SLCO1B3: variants seen among roughly 807,000 people sequenced by gnomAD.
The protein encoded by SLCO1B3 is solute carrier organic anion transporter family member 1B3.
A neutral mutation model predicts 71.8 loss-of-function variants in SLCO1B3; 72 were observed. The observed-to-expected ratio is 1.00, with a 90% CI of 0.83 to 1.22. The LOEUF is 1.22. Among genes scored for constraint, SLCO1B3 ranks in the 50% most tolerant of loss-of-function variants. The probability of loss-of-function intolerance (pLI) is 0.00; values close to 1 mark genes in which losing one functional copy is unlikely to be tolerated. For synonymous variants in SLCO1B3, 298 were observed against 278.4 expected (o/e 1.07, Z -0.70); for missense variants, 911 against 819.7 (o/e 1.11, Z -1.36).
intron 3 of SLCO1B3, among the ~76,000 whole-genome samples, chr12:20,846,458 G>T (rs1268528750): frequency 2.0e-5 from 3 of 152,102 alleles, no homozygotes; most frequent in African/African-American, 4.8e-5. Flanking sequence ...ATCAGCTCAG[G>T]TGCTAAAACA....
intron 2 of SLCO1B3, among the ~76,000 whole-genome samples, chr12:20,815,285 T>C (rs189898653): frequency 2.8e-4 from 42 of 152,292 alleles, no homozygotes; most frequent in African/African-American, 9.9e-4. Context: ...ATTTGGCACT[T>C]TATAAACTTA....
intron 15 of SLCO1B3, among the ~76,000 whole-genome samples, chr12:20,914,497 A>G (rs1866452649): frequency 1.3e-5 from 2 of 152,060 alleles, no homozygotes; most frequent in South Asian, 4.1e-4. Flanking sequence ...AAGCATGTAT[A>G]TTATATATAA....
intron 13 of SLCO1B3, among the ~76,000 whole-genome samples, chr12:20,897,314 T>C (rs1481600466): frequency 6.6e-6 from 1 of 152,254 alleles, no homozygotes; most frequent in Non-Finnish European, 1.5e-5. Context: ...TTATAAGCGC[T>C]ATTGAATTCT....
chr12:20,908,853 A>G (rs975485431), intron 15 of SLCO1B3, among the ~76,000 whole-genome samples: 2 of 152,228 alleles, frequency 1.3e-5, no homozygotes, highest in African/African-American at 4.8e-5. Flanking sequence ...AAAGTTATCC[A>G]TGTGCCAGTT....
chr12:20,850,246 A>T (rs1404415611), intron 3 of SLCO1B3, among the ~76,000 whole-genome samples: 2 of 143,262 alleles, frequency 1.4e-5, no homozygotes, highest in African/African-American at 2.6e-5. Flanking sequence ...GATTATTTTT[A>T]TTATTATTAT....
Position 20,883,588 on chromosome 12 carries a change from CTTG to C in SLCO1B3, c.1672_1674del (p.Leu558del). 2 of 1,587,710 alleles carry C rather than the reference CTTG, an allele frequency of 1.3e-6. No homozygotes were observed. The highest frequency in any genetic ancestry group is 1.4e-5 in the African/African-American group (1 of 73,152). On this transcript the variant is annotated inframe_deletion, in exon 13 of 16. Transcript: ENST00000381545. ...CTGCAACAGGAGGTACCACATTTAT[CTTG>C]TTGACTGTGAAGTAAGTATGATCCT... is the stretch of plus-strand genomic sequence containing the variant.
chr12:20,855,258 C>A (rs180681772), intron 4 of SLCO1B3, 89 bp downstream of exon 4: 6 of 1,154,372 alleles, frequency 5.2e-6, no homozygotes, highest in African/African-American at 3.1e-5. Flanking sequence ...TGGGTCTGGA[C>A]TAGGTGTAAA....
At chr12:20,884,728 T>C (rs544018528) in intron 13 of SLCO1B3, among the ~76,000 whole-genome samples, 28 of 151,794 alleles carry the variant, frequency 1.8e-4, no homozygotes, top group African/African-American at 5.3e-4. Context: ...TAAAACCTAC[T>C]AGTTGATCGG....
rs754110095 is a variant in SLCO1B3, at chr12:20,879,566, A to G, written c.1266A>G (p.Gln422=). ...FLTSMISFLF[Q]LLYFPLICES... ...CTTCGATGATATCCTTCTTGTTTCA[A>G]CTTCTATATTTCCCTCTAATCTGCG... The change falls in exon 11 of 16, where the codon CAA becomes CAG. Residue 422 remains glutamine, a synonymous_variant. Coordinates refer to ENST00000381545, the MANE Select transcript of SLCO1B3 (RefSeq NM_019844.4). 6.2e-7 allele frequency: 1 copy of G among 1,613,184 alleles called. No homozygotes were observed.
intron 3 of SLCO1B3, among the ~76,000 whole-genome samples, chr12:20,822,722 A>T (rs1489948754): frequency 6.6e-6 from 1 of 151,656 alleles, no homozygotes; most frequent in Non-Finnish European, 1.5e-5. Context: ...GTAAATCGGC[A>T]CTTTACACAA....
intron 3 of SLCO1B3, among the ~76,000 whole-genome samples, 159 bp from the exon 4 acceptor site, chr12:20,854,869 A>G (rs887246152): frequency 5.9e-5 from 9 of 152,240 alleles, no homozygotes; most frequent in African/African-American, 1.2e-4. Context: ...TGATAGTATT[A>G]TAGGGCTGAG....
intron 3 of SLCO1B3, among the ~76,000 whole-genome samples, chr12:20,833,697 T>C (rs1864598981): frequency 6.8e-6 from 1 of 147,230 alleles, no homozygotes; most frequent in East Asian, 2.0e-4. Context: ...TAGAGAGAGA[T>C]GATAAATTAC....
chr12:20,885,397 A>G (rs1382659162), intron 13 of SLCO1B3, among the ~76,000 whole-genome samples: 1 of 152,144 alleles, frequency 6.6e-6, no homozygotes, highest in Admixed American at 6.6e-5. Context: ...AACGAAAATG[A>G]TAAAACTTCA....
chr12:20,821,697 G>C lies in SLCO1B3; in HGVS notation c.84+5875G>C, dbSNP rs1198501804. Among the ~76,000 whole-genome samples the C allele has an allele frequency of 2.6e-5, 4 of 152,038 alleles. No individual in the cohort carries two copies. The East Asian group carries it at 7.8e-4, about 29-fold the overall frequency. On this transcript the variant is annotated intron_variant, in intron 3 of 15. Transcript: ENST00000381545. Reference sequence around the variant, plus strand: ...GTAGAGACATGGAGAGAAGGGGTTGGGGTACTTGCCCCTCCCCCAGAAAAG... The same window carrying C: ...GTAGAGACATGGAGAGAAGGGGTTGCGGTACTTGCCCCTCCCCCAGAAAAG...
intron 15 of SLCO1B3, among the ~76,000 whole-genome samples, chr12:20,905,331 T>G (rs1866221206): frequency 1.3e-5 from 2 of 152,216 alleles, no homozygotes; most frequent in African/African-American, 4.8e-5. Flanking sequence ...TCTTGGCTAT[T>G]AACATTTGGA....
At chr12:20,840,303 G>A (rs1031123625) in intron 3 of SLCO1B3, among the ~76,000 whole-genome samples, 10 of 152,112 alleles carry the variant, frequency 6.6e-5, no homozygotes, top group African/African-American at 2.4e-4. Flanking sequence ...ACAGTCCGGA[G>A]AAGAGGCATC....
chr12:20,898,596 T>TA (rs1193927843), intron 14 of SLCO1B3, 96 bp downstream of exon 14: 1 of 534,968 alleles, frequency 1.9e-6, no homozygotes, highest in African/African-American at 2.0e-5. Context: ...TAAGACTGTA[T>TA]AAAAAAGAAT....
chr12:20,860,042 G>T lies in SLCO1B3; in HGVS notation c.360-975G>T, dbSNP rs1380721746. Among the ~76,000 whole-genome samples the T allele has an allele frequency of 2.9e-5, 4 of 136,514 alleles. No individual in the cohort carries two copies. In the East Asian group the frequency reaches 9.4e-4, roughly 32 times the overall value. The allele number at this position is 136,514 out of a possible 152,430, so 89.6% of individuals were successfully genotyped here. On this transcript the variant is annotated intron_variant, in intron 5 of 15. Transcript: ENST00000381545. ...GCGATCTCGGCTCACTGCAAGCCCC[G>T]CCTCCCGGGTTCACACCATTCTCCT... is the stretch of plus-strand genomic sequence containing the variant.
chr12:20,825,427 G>T (rs1313608347), intron 3 of SLCO1B3, among the ~76,000 whole-genome samples: 2 of 152,112 alleles, frequency 1.3e-5, no homozygotes, highest in African/African-American at 2.4e-5. Flanking sequence ...GAAGATGAGG[G>T]TTTGACTGGT....
Sources: gnomAD v4.1 joint callset for allele counts (sites outside exome capture counted in the v4.1 genomes callset) on GRCh38, gnomAD v4.1.1 for gene constraint, MANE v1.5 for transcripts, NCBI Gene and HGNC (gene_info 2026-07-23, HGNC 2026-07-21) for gene names.